NOS3: variants seen among roughly 807,000 people sequenced by gnomAD.
NOS3 encodes NOS type III.
Under a neutral mutation model 144.9 loss-of-function variants are expected in NOS3, and 98 were observed. The ratio of observed to expected loss-of-function variants is 0.68; its 90% CI spans 0.57 to 0.80. NOS3 has a LOEUF of 0.80. NOS3 is among the 30% of genes least tolerant of loss of function. The pLI is 0.00. For missense variants in NOS3, 1,465 were observed against 1,656.4 expected (o/e 0.88, Z 2.01); for synonymous variants, 714 against 702.4 (o/e 1.02, Z -0.26).
Position 150,998,397 on chromosome 7 carries a change from T to A in NOS3, c.623T>A (p.Phe208Tyr). The change falls in exon 6 of 27, where the codon TTC becomes TAC. Residue 208 changes from phenylalanine to tyrosine, a missense_variant. Around this residue, in one of 5 missense-constraint regions of NOS3, gnomAD observed 374 missense variants for 377.0 expected, o/e 0.99. Coordinates refer to ENST00000297494, the MANE Select transcript of NOS3 (RefSeq NM_000603.5). This position sits in a 1 kb window ranked among gnomAD's most constrained non-coding sequence, Gnocchi z 5.0. ...GACTGCAGGTCTGCACAGGAAATGTTCACCTACATCTGCAACCACATCAAG... is the reference window on the plus strand; with the variant it reads ...GACTGCAGGTCTGCACAGGAAATGTACACCTACATCTGCAACCACATCAAG... ...ARDCRSAQEMFTYICNHIKYA... is the reference protein window; with the variant it reads ...ARDCRSAQEMYTYICNHIKYA... 2 of 1,612,482 alleles carry A rather than the reference T, an allele frequency of 1.2e-6. No homozygotes were observed. Among genetic ancestry groups the A allele is most frequent in the Non-Finnish European group, 1.7e-6 (2 of 1,179,858 alleles).
rs902981169 is a variant in NOS3 at position 151,001,185 on chromosome 7, G to A, written c.1234-46G>A. 12 of 1,595,068 alleles carry A rather than the reference G, an allele frequency of 7.5e-6. No homozygotes were observed. The African/African-American group carries it at 1.3e-4, about 18-fold the overall frequency. ...GAGTGGTGGAGGAAGAATGGGCGAGGTCTGTGGGTCTGGTTTGAGCCTCTC... is the reference window on the plus strand; with the variant it reads ...GAGTGGTGGAGGAAGAATGGGCGAGATCTGTGGGTCTGGTTTGAGCCTCTC... On this transcript the variant is annotated intron_variant, in intron 10 of 26. Transcript: ENST00000297494.
intron 20 of NOS3, 53 bp downstream of exon 20, chr7:151,009,638 AC>A: frequency 1.4e-6 from 2 of 1,412,708 alleles, no homozygotes; most frequent in Non-Finnish European, 1.9e-6. Context: ...GCCCAGCCCC[AC>A]CCCCGGCCCC....
rs745962878 is a variant in NOS3, at chr7:151,002,247, G to A, written c.1695G>A (p.Thr565=). 85 of 1,600,948 alleles carry A rather than the reference G, an allele frequency of 5.3e-5. No homozygotes were observed. Among genetic ancestry groups the A allele is most frequent in the South Asian group, 7.9e-5 (7 of 88,566 alleles). ...ACGTGGTGTCCCTCGAACACGAGAC[G>A]CTGGTGCTGGTGGTAACCAGCACAT... The part of the protein sequence containing the change: ...EYDVVSLEHE[T]LVLVVTSTFG... Residue 565 remains threonine, a synonymous_variant, in exon 14 of 27, where the codon ACG becomes ACA. Coordinates refer to ENST00000297494, the MANE Select transcript of NOS3 (RefSeq NM_000603.5). This position sits in a 1 kb window ranked among gnomAD's most constrained non-coding sequence, Gnocchi z 4.1.
Position 151,009,388 on chromosome 7 carries a change from C to G in NOS3, c.2325-10C>G, listed in dbSNP as rs1387611021. The G allele has an allele frequency of 6.8e-7, 1 of 1,473,306 alleles. No homozygotes were observed. Among genetic ancestry groups the G allele is most frequent in the African/African-American group, 1.4e-5 (1 of 71,968 alleles). 91.3% of individuals were successfully genotyped at this position (1,473,306 alleles called of 1,614,324 possible). A position where few individuals can be genotyped will look rare whatever the true frequency, so the allele number is the denominator to read the frequency against. On this transcript the variant is annotated splice_polypyrimidine_tract_variant and intron_variant, in intron 19 of 26. Coordinates refer to ENST00000297494, the MANE Select transcript of NOS3 (RefSeq NM_000603.5). Reference sequence around the variant, plus strand: ...TGACTCCCCATAAGTGCCCCTCTCCCCACCCCCAGGAGGGCCACCATCCTG... The same window carrying G: ...TGACTCCCCATAAGTGCCCCTCTCCGCACCCCCAGGAGGGCCACCATCCTG...
rs1035029611 is a variant in NOS3 at position 150,996,609 on chromosome 7, C to T, written c.419+57C>T. The T allele has an allele frequency of 1.8e-5, 27 of 1,542,070 alleles. No individual in the cohort carries two copies. In the African/African-American group the frequency reaches 2.7e-4, roughly 16 times the overall value. On this transcript the variant is annotated intron_variant, in intron 4 of 26. Coordinates refer to ENST00000297494, the MANE Select transcript of NOS3 (RefSeq NM_000603.5). ...TGTCCCACTGAGGCCCCAGAAACCC[C>T]GTGACGACCTTCCCATGACCCCCTC...
chr7:151,013,457 C>A, intron 25 of NOS3, 78 bp downstream of exon 25: 1 of 1,505,160 alleles, frequency 6.6e-7, no homozygotes, highest in South Asian at 1.3e-5. Context: ...GCGGGGCACA[C>A]CAACCACGGC....
Position 151,003,736 on chromosome 7 carries a change from G to A in NOS3, c.1752+1432G>A. On this transcript the variant is annotated intron_variant, in intron 14 of 26. Transcript: ENST00000297494. This position sits in a 1 kb window ranked among gnomAD's most constrained non-coding sequence, Gnocchi z 4.1. ...AACGGCACCTAGATGGAAGCACGCA[G>A]TGTTGCGGCGTCTCCTGCTGAGGCT... 4.2e-6 allele frequency: 2 copies of A among 481,242 alleles called. No individual in the cohort carries two copies. Among genetic ancestry groups the A allele is most frequent in the South Asian group, 3.1e-5 (2 of 64,686 alleles). 29.8% of individuals were successfully genotyped at this position (481,242 alleles called of 1,614,324 possible).
At position 151,014,373 on chromosome 7, in the gene NOS3, C is replaced by T; in HGVS notation, c.*204C>T. ...AGGCCTGTTGCCTCGGGCCTGGGTCCGCCTTAATCTGGAAGGCCCCTCCCA... is the reference window on the plus strand; with the variant it reads ...AGGCCTGTTGCCTCGGGCCTGGGTCTGCCTTAATCTGGAAGGCCCCTCCCA... On this transcript the variant is annotated 3_prime_UTR_variant, in exon 27 of 27. Transcript: ENST00000297494. The T allele has an allele frequency of 1.7e-6, 1 of 573,034 alleles. No individual in the cohort carries two copies. Among genetic ancestry groups the T allele is most frequent in the East Asian group, 3.0e-5 (1 of 33,168 alleles). 35.5% of individuals were successfully genotyped at this position (573,034 alleles called of 1,614,324 possible).
Position 151,003,505 on chromosome 7 carries a change from AC to A in NOS3, c.1752+1203del. 4 of 1,253,528 alleles carry A rather than the reference AC, an allele frequency of 3.2e-6. No homozygotes were observed. Among genetic ancestry groups the A allele is most frequent in the Non-Finnish European group, 4.1e-6 (4 of 963,958 alleles). The allele number at this position is 1,253,528 out of a possible 1,614,324, so 77.7% of individuals were successfully genotyped here. On this transcript the variant is annotated intron_variant, in intron 14 of 26. Transcript: ENST00000297494. The surrounding 1 kb of genome is among the most constrained non-coding windows in gnomAD (Gnocchi z 4.1). The stretch of plus-strand genomic sequence containing the variant: ...TCCGTTTCAGCCCTCATTCTGACCT[AC>A]CTTTTCAAGAAAAATAGCACCAGCA...
chr7:151,009,059 C>T lies in NOS3; in HGVS notation c.2242C>T (p.Pro748Ser). The T allele has an allele frequency of 6.2e-7, 1 of 1,612,856 alleles. No individual in the cohort carries two copies. Among genetic ancestry groups the T allele is most frequent in the Non-Finnish European group, 8.5e-7 (1 of 1,179,562 alleles). ...SAQAEGLQLL[P>S]GLIHVHRRKM... is the part of the protein sequence containing the mutation. ...CCAGGCCGAGGGCCTGCAGTTGCTG[C>T]CAGGTGGGCCCTGCCCTCACCCTAA... The change falls in exon 18 of 27, where the codon CCA (proline) becomes TCA (serine). Residue 748 changes from proline (P) to serine (S), a missense_variant. This residue lies in a region of NOS3 where 745 missense variants were observed against 853.9 expected (regional missense o/e 0.87). Coordinates refer to ENST00000297494, the MANE Select transcript of NOS3 (RefSeq NM_000603.5).
Position 151,005,050 on chromosome 7 carries a change from G to C in NOS3, c.1753-1377G>C, listed in dbSNP as rs903222406. The stretch of plus-strand genomic sequence containing the variant: ...TTTTTGTGTTTTTAGTAGAGACGCG[G>C]TTTCACCATGTTGGCCAGGCTGGTC... On this transcript the variant is annotated intron_variant, in intron 14 of 26. Transcript: ENST00000297494. 2.6e-5 allele frequency among the ~76,000 whole-genome samples: 4 copies of C among 152,068 alleles called. No individual in the cohort carries two copies. In the East Asian group the frequency reaches 7.7e-4, roughly 29 times the overall value.
rs1795134194 is a variant in NOS3, at chr7:151,002,586, A to G, written c.1752+282A>G. On this transcript the variant is annotated intron_variant, in intron 14 of 26. Transcript: ENST00000297494. The surrounding 1 kb of genome is among the most constrained non-coding windows in gnomAD (Gnocchi z 4.1). ...AACTGCGCGTCCCCAAGTCATTTCC[A>G]TTATCAGTGCAAGTTTTTAATACAA... 1.3e-5 allele frequency among the ~76,000 whole-genome samples: 2 copies of G among 152,088 alleles called. No homozygotes were observed. The highest frequency in any genetic ancestry group is 4.1e-4 in the South Asian group (2 of 4,826).
Position 151,014,219 on chromosome 7 carries a change from A to G in NOS3, c.*50A>G, listed in dbSNP as rs1307923997. ...TTCCGGGAGAGCGGCTGCCCGACTC[A>G]GGTCCGCCCGACCAGGATCAGCCCC... is the stretch of plus-strand genomic sequence containing the variant. On this transcript the variant is annotated 3_prime_UTR_variant, in exon 27 of 27. Transcript: ENST00000297494. The G allele has an allele frequency of 1.3e-6, 2 of 1,538,308 alleles. No individual in the cohort carries two copies. Among genetic ancestry groups the G allele is most frequent in the South Asian group, 2.4e-5 (2 of 85,000 alleles).
chr7:151,012,569 G>GA (rs1795329476), intron 24 of NOS3, 97 bp downstream of exon 24: 1 of 1,422,988 alleles, frequency 7.0e-7, no homozygotes, highest in African/African-American at 1.4e-5. Context: ...GAGAGGGCAG[G>GA]AAACAAAGTC....
Position 151,009,495 on chromosome 7 carries a change from G to A in NOS3, c.2422G>A (p.Gly808Ser). Residue 808 changes from glycine (G) to serine (S), a missense_variant, in exon 20 of 27, where the codon GGC becomes AGC. Gly to Ser is a moderately conservative substitution (Grantham distance 56). Around this residue, in one of 5 missense-constraint regions of NOS3, gnomAD observed 745 missense variants for 853.9 expected, o/e 0.87. Transcript: ENST00000297494. The part of the protein sequence containing the change: ...HIGVCPPNRP[G>S]LVEALLSRVE... ...AGGTGTCTGCCCGCCCAACCGGCCCGGCCTTGTGGAGGCGCTGCTGAGCCG... is the reference window on the plus strand; with the variant it reads ...AGGTGTCTGCCCGCCCAACCGGCCCAGCCTTGTGGAGGCGCTGCTGAGCCG... 1 of 1,547,916 alleles carries A rather than the reference G, an allele frequency of 6.5e-7. No individual in the cohort carries two copies. Among genetic ancestry groups the A allele is most frequent in the East Asian group, 2.4e-5 (1 of 40,908 alleles).
In NOS3 at chr7:151,009,600, G is replaced by A. The variant is rs1024943716; in HGVS notation, c.2512+15G>A. On this transcript the variant is annotated intron_variant, in intron 20 of 26. Transcript: ENST00000297494. The stretch of plus-strand genomic sequence containing the variant: ...GGGCAGCCCTGGTGAGGGGCAGCCT[G>A]GGAAGCAACAGGGCACACCAGCCCC... 6 of 1,513,586 alleles carry A rather than the reference G, an allele frequency of 4.0e-6. No individual in the cohort carries two copies. In the Middle Eastern group the frequency reaches 6.9e-4, roughly 174 times the overall value. The allele number at this position is 1,513,586 out of a possible 1,614,324, so 93.8% of individuals were successfully genotyped here.
In NOS3 at chr7:151,012,351, G is replaced by T; in HGVS notation, c.2985G>T (p.Gly995=). 6.4e-7 allele frequency: 1 copy of T among 1,558,426 alleles called. No homozygotes were observed. Residue 995 remains glycine (G), a splice_region_variant and synonymous_variant, in exon 24 of 27, where the codon GGG becomes GGT. Transcript: ENST00000297494. ...CCTGATGGAGTGTCTCTCCTGCCAG[G>T]GCTCCCTCCTTCCGGCTGCCACCCG... ...PGDPVPCFIR[G]APSFRLPPDP... is the part of the protein sequence containing the mutation.
intron 25 of NOS3, 86 bp from the exon 26 acceptor site, chr7:151,013,636 CTT>C (rs1298873532): frequency 8.4e-6 from 11 of 1,302,146 alleles, no homozygotes; most frequent in Non-Finnish European, 1.0e-5. Context: ...GCTCCGGAGA[CTT>C]TCACGTCCAG....
At chr7:151,011,895 G>A (rs190436918) in intron 23 of NOS3, 16 of 402,348 alleles carry the variant, frequency 4.0e-5, no homozygotes, top group Non-Finnish European at 7.4e-5. Flanking sequence ...TCGCAGCCAG[G>A]AACCAAAAGT....
Sources: gnomAD v4.1 joint callset for allele counts (sites outside exome capture counted in the v4.1 genomes callset) on GRCh38, gnomAD v4.1.1 for gene constraint, gnomAD v4.1.1 regional missense constraint, Gnocchi (gnomAD v3.1) non-coding constraint, MANE v1.5 for transcripts, NCBI Gene and HGNC (gene_info 2026-07-23, HGNC 2026-07-21) for gene names.